The following DHX57 variants were observed in gnomAD, a reference collection of about 807,000 sequenced individuals.
DHX57 encodes the protein putative ATP-dependent RNA helicase DHX57.
A neutral mutation model predicts 156.2 loss-of-function variants in DHX57; 105 were observed. That is an observed-to-expected ratio of 0.67 (90% confidence interval 0.57 to 0.79). The LOEUF (loss-of-function observed/expected upper bound fraction) is 0.79. Ranked by LOEUF, DHX57 falls within the 30% of genes least tolerant of loss-of-function variation. DHX57 has a pLI of 0.00. For missense variants in DHX57, 1,847 were observed against 1,661.9 expected, an observed-to-expected ratio of 1.11 and a Z score of -1.94; for synonymous variants, 704 against 595.6, an observed-to-expected ratio of 1.18 and a Z score of -2.65.
At chr2:38,821,245 T>C (rs1048016763) in intron 17 of DHX57, among the ~76,000 whole-genome samples, 8 of 152,038 alleles carry the variant, frequency 5.3e-5, no homozygotes, top group Admixed American at 3.3e-4. Context: ...GAGCTATACA[T>C]GCTTATATAA....
At position 38,838,873 on chromosome 2, in the gene DHX57, G is replaced by A. The variant is rs186371611; in HGVS notation, c.2426-926C>T. 263 of 432,082 alleles carry A rather than the reference G, an allele frequency of 6.1e-4. 4 individuals carry two copies. The East Asian group carries it at 0.018, about 30-fold the overall frequency. The allele number at this position is 432,082 out of a possible 1,614,324, so 26.8% of individuals were successfully genotyped here. On this transcript the variant is annotated intron_variant, in intron 12 of 23. Coordinates refer to ENST00000457308, the MANE Select transcript of DHX57 (RefSeq NM_198963.3). ...ACTCACAATCTCCTAATCTATCTGC[G>A]ATCTGGTAAACGATGTAGTTCTATA...
intron 23 of DHX57, among the ~76,000 whole-genome samples, chr2:38,799,152 TCAG>T: frequency 6.6e-6 from 1 of 150,672 alleles, no homozygotes; most frequent in African/African-American, 2.4e-5. Context: ...TCACCTGAGG[TCAG>T]GGGTTCGAGA....
intron 5 of DHX57, among the ~76,000 whole-genome samples, chr2:38,859,668 G>A (rs886902532): frequency 6.6e-6 from 1 of 152,126 alleles, no homozygotes; most frequent in South Asian, 2.1e-4. Context: ...GGTGGTTAGT[G>A]AGTGAATCTG....
At chr2:38,826,124 A>G (rs951808720) in intron 15 of DHX57, 77 bp from the exon 16 acceptor site, 2 of 1,430,658 alleles carry the variant, frequency 1.4e-6, no homozygotes, top group Non-Finnish European at 1.9e-6. Context: ...GACAGAATAG[A>G]TGAACCAGCT....
chr2:38,856,550 C>T (rs1672909920), intron 6 of DHX57, 89 bp from the exon 7 acceptor site: 2 of 1,467,708 alleles, frequency 1.4e-6, no homozygotes, highest in Non-Finnish European at 1.8e-6. Context: ...TGTTGCCAGG[C>T]TGGAGTGCAG....
rs1446131346 is a variant in DHX57 at position 38,818,979 on chromosome 2, C to A, written c.3388-19G>T. 2 of 1,613,984 alleles carry A rather than the reference C, an allele frequency of 1.2e-6. No homozygotes were observed. Among genetic ancestry groups the A allele is most frequent in the Admixed American group, 1.7e-5 (1 of 59,988 alleles). The stretch of plus-strand genomic sequence containing the variant: ...GCCATCCCTAAATTTTGGAGAAAAT[C>A]AAACTGAACTTACTCAGTCTTCAGT... On this transcript the variant is annotated intron_variant, in intron 18 of 23. Coordinates refer to ENST00000457308, the MANE Select transcript of DHX57 (RefSeq NM_198963.3).
chr2:38,806,660 T>C lies in DHX57; in HGVS notation c.3715A>G (p.Ser1239Gly), dbSNP rs764678490. 36 of 1,613,878 alleles carry C rather than the reference T, an allele frequency of 2.2e-5. No homozygotes were observed. In the African/African-American group the frequency reaches 2.4e-4, roughly 11 times the overall value. The part of the protein sequence containing the change: ...KSPEGKFQKT[S>G]TGAVRMQPKS... ...GGTTGCATTCTGACAGCTCCAGTAC[T>C]GGTCTTCTGAAATTTTCCTTCTGGG... Residue 1239 changes from serine to glycine, a missense_variant, in exon 22 of 24, where the codon AGT becomes GGT. Coordinates refer to ENST00000457308, the MANE Select transcript of DHX57 (RefSeq NM_198963.3).
intron 9 of DHX57, among the ~76,000 whole-genome samples, chr2:38,851,285 T>G (rs541578889): frequency 6.6e-6 from 1 of 152,320 alleles, no homozygotes; most frequent in Admixed American, 6.5e-5. Flanking sequence ...ATTCTTCTTT[T>G]ACATTTTTTG....
chr2:38,826,489 C>T (rs1278324762), intron 15 of DHX57, 27 bp downstream of exon 15: 1 of 1,606,898 alleles, frequency 6.2e-7, no homozygotes, highest in Non-Finnish European at 8.5e-7. Flanking sequence ...TTTAGCCCCT[C>T]TCTTACATCA....
At chr2:38,803,641 C>G (rs1669804341) in intron 22 of DHX57, among the ~76,000 whole-genome samples, 1 of 146,580 alleles carries the variant, frequency 6.8e-6, no homozygotes, top group African/African-American at 2.5e-5. Flanking sequence ...GCGCCTGCCA[C>G]CATGCCTGGC....
intron 13 of DHX57, among the ~76,000 whole-genome samples, chr2:38,832,000 C>T (rs865969318): frequency 1.1e-4 from 16 of 152,028 alleles, no homozygotes; most frequent in African/African-American, 2.9e-4. Context: ...CCAGCCTGGG[C>T]GACAGAGCAA....
At chr2:38,805,205 A>G (rs1328672626) in intron 22 of DHX57, among the ~76,000 whole-genome samples, 1 of 152,188 alleles carries the variant, frequency 6.6e-6, no homozygotes, top group Non-Finnish European at 1.5e-5. Flanking sequence ...CTGGTTCCTA[A>G]CAGGCTGAAA....
At position 38,855,224 on chromosome 2, in the gene DHX57, A is replaced by G; in HGVS notation, c.1738T>C (p.Phe580Leu). 3.1e-6 allele frequency: 5 copies of G among 1,614,194 alleles called. No individual in the cohort carries two copies. The South Asian group carries it at 4.4e-5, about 14-fold the overall frequency. The change falls in exon 8 of 24, where the codon TTT (phenylalanine) becomes CTT (leucine). Residue 580 changes from phenylalanine (F) to leucine (L), a missense_variant. Coordinates refer to ENST00000457308, the MANE Select transcript of DHX57 (RefSeq NM_198963.3). Reference sequence around the variant, plus strand: ...CCATTCAGAGAATCATCCAGAATAAACTGCGGAATTTGTGTGGTTTTCCCA... The same window carrying G: ...CCATTCAGAGAATCATCCAGAATAAGCTGCGGAATTTGTGTGGTTTTCCCA... ...GCGKTTQIPQFILDDSLNGPP... is the reference protein window; with the variant it reads ...GCGKTTQIPQLILDDSLNGPP...
chr2:38,820,606 T>G (rs1026681475), intron 17 of DHX57, among the ~76,000 whole-genome samples: 1 of 152,172 alleles, frequency 6.6e-6, no homozygotes, highest in African/African-American at 2.4e-5. Flanking sequence ...TTTTTTTCTT[T>G]TTTTAAAGAG....
chr2:38,813,671 C>T lies in DHX57; in HGVS notation c.3681+150G>A, dbSNP rs559575965. ...ACAGGCGTGAGCCACCGCACCCGGC[C>T]GAAAATGTATACTAAGTTTAAAAGG... On this transcript the variant is annotated intron_variant, in intron 21 of 23. Transcript: ENST00000457308. 613 of 916,268 alleles carry T rather than the reference C, an allele frequency of 6.7e-4. 3 individuals carry two copies. The African/African-American group carries it at 9.4e-3, about 14-fold the overall frequency. 56.8% of individuals were successfully genotyped at this position (916,268 alleles called of 1,614,324 possible). A position where few individuals can be genotyped will look rare whatever the true frequency, so the allele number is the denominator to read the frequency against.
chr2:38,851,455 T>C (rs758447320), intron 9 of DHX57, among the ~76,000 whole-genome samples: 1 of 152,228 alleles, frequency 6.6e-6, no homozygotes, highest in African/African-American at 2.4e-5. Context: ...TTTTGCTTTT[T>C]TCAGTCAGAG....
At chr2:38,822,899 A>T in intron 17 of DHX57, 94 bp downstream of exon 17, 1 of 1,335,122 alleles carries the variant, frequency 7.5e-7, no homozygotes, top group Non-Finnish European at 9.9e-7. Flanking sequence ...GCAAATTTTT[A>T]GGGGGCTCAC....
intron 23 of DHX57, among the ~76,000 whole-genome samples, chr2:38,798,721 G>T (rs552197606): frequency 6.7e-6 from 1 of 149,292 alleles, no homozygotes; most frequent in Non-Finnish European, 1.5e-5. Context: ...CAAGGCGGGC[G>T]GATCATGAGA....
intron 5 of DHX57, 57 bp downstream of exon 5, chr2:38,860,942 G>C: frequency 6.7e-7 from 1 of 1,485,608 alleles, no homozygotes; most frequent in Middle Eastern, 1.9e-4. Context: ...TAAAGGCTTT[G>C]ACTTCTAAAC....
Sources: allele counts gnomAD v4.1 joint callset (sites outside exome capture counted in the v4.1 genomes callset), GRCh38; gene constraint gnomAD v4.1.1; transcripts MANE v1.5; gene names NCBI Gene and HGNC (gene_info 2026-07-23, HGNC 2026-07-21).